Variants in TMEM132C observed in about 807,000 individuals in gnomAD.
The protein encoded by TMEM132C is protein phosphatase 1, regulatory subunit 152.
Under a neutral mutation model 61.4 loss-of-function variants are expected in TMEM132C, and 29 were observed. The observed-to-expected ratio is 0.47, with a 90% CI of 0.35 to 0.64. The LOEUF is 0.64. Ranked by LOEUF, TMEM132C falls within the 30% of genes least tolerant of loss-of-function variation. TMEM132C has a pLI of 0.00. For synonymous variants in TMEM132C, 656 were observed against 633.1 expected (o/e 1.04, Z -0.54); for missense variants, 1,408 against 1,476.9 (o/e 0.95, Z 0.76).
At chr12:128,449,623 C>T (rs1870114935) in intron 2 of TMEM132C, among the ~76,000 whole-genome samples, 1 of 152,170 alleles carries the variant, frequency 6.6e-6, no homozygotes, top group East Asian at 1.9e-4. Context: ...TTCCAATGTG[C>T]AAGGCGTGAA....
At chr12:128,650,123 G>A (rs1369832877) in intron 4 of TMEM132C, among the ~76,000 whole-genome samples, 1 of 152,200 alleles carries the variant, frequency 6.6e-6, no homozygotes, top group African/African-American at 2.4e-5. Context: ...ACTATTGTGA[G>A]TCTATGTTCC....
intron 2 of TMEM132C, among the ~76,000 whole-genome samples, chr12:128,496,401 TCTC>T (rs1871960647): frequency 6.6e-6 from 1 of 152,178 alleles, no homozygotes; most frequent in African/African-American, 2.4e-5. Context: ...TTGGGGAAGT[TCTC>T]CTGGATAATA....
intron 3 of TMEM132C, among the ~76,000 whole-genome samples, chr12:128,548,519 G>A (rs78471394): frequency 3.3e-5 from 5 of 152,236 alleles, no homozygotes; most frequent in East Asian, 1.9e-4. Context: ...TAAGGACCCC[G>A]TGATCATGTA....
intron 1 of TMEM132C, among the ~76,000 whole-genome samples, chr12:128,279,036 A>G (rs562133871): frequency 4.6e-5 from 7 of 152,224 alleles, no homozygotes; most frequent in African/African-American, 1.7e-4. Context: ...GCATGAGCCA[A>G]TACCTTAAAA....
intron 1 of TMEM132C, among the ~76,000 whole-genome samples, chr12:128,338,030 C>T (rs983633704): frequency 1.3e-5 from 2 of 151,980 alleles, no homozygotes; most frequent in Non-Finnish European, 2.9e-5. Flanking sequence ...CCCAACTTCA[C>T]ACTCCTTGTC....
chr12:128,486,124 C>T (rs868354292), intron 2 of TMEM132C, among the ~76,000 whole-genome samples: 4 of 152,236 alleles, frequency 2.6e-5, no homozygotes, highest in East Asian at 1.9e-4. Flanking sequence ...GTCTACTCGG[C>T]GACACCTTCT....
chr12:128,662,687 G>A (rs961827020), intron 4 of TMEM132C, among the ~76,000 whole-genome samples: 4 of 152,198 alleles, frequency 2.6e-5, no homozygotes, highest in Admixed American at 1.3e-4. Flanking sequence ...TTGGGGTAGC[G>A]GTGAGAATAG....
intron 2 of TMEM132C, among the ~76,000 whole-genome samples, chr12:128,506,430 A>G (rs1872363371): frequency 1.3e-5 from 2 of 152,214 alleles, no homozygotes; most frequent in Non-Finnish European, 2.9e-5. Context: ...GTGGAGGAGT[A>G]GATTTGCCAT....
Position 128,695,964 on chromosome 12 carries a change from A to G in TMEM132C, c.1790A>G (p.Asn597Ser), listed in dbSNP as rs1209278912. The change falls in exon 7 of 9, where the codon AAC becomes AGC. Residue 597 changes from asparagine (N) to serine (S), a missense_variant. Transcript: ENST00000435159. The stretch of plus-strand genomic sequence containing the variant: ...GGCGCCGGTCCATGGGGCCAGCCGA[A>G]CTACCTGCTTAGTCCTAACTGGCAG... ...SEGAGPWGQP[N>S]YLLSPNWQFD... 3 of 1,551,786 alleles carry G rather than the reference A, an allele frequency of 1.9e-6. No individual in the cohort carries two copies. Among genetic ancestry groups the G allele is most frequent in the South Asian group, 1.2e-5 (1 of 84,064 alleles).
intron 3 of TMEM132C, among the ~76,000 whole-genome samples, chr12:128,567,817 C>G (rs1422449380): frequency 1.3e-5 from 2 of 152,218 alleles, no homozygotes; most frequent in Non-Finnish European, 2.9e-5. Context: ...GACGACCAGT[C>G]TGATGTGAAG....
intron 1 of TMEM132C, among the ~76,000 whole-genome samples, chr12:128,284,955 G>C (rs1244241262): frequency 3.9e-5 from 6 of 152,094 alleles, no homozygotes; most frequent in Non-Finnish European, 5.9e-5. Flanking sequence ...AGGCAATGTG[G>C]TGAGAACCCA....
intron 1 of TMEM132C, among the ~76,000 whole-genome samples, chr12:128,310,996 A>G (rs1307088049): frequency 6.6e-6 from 1 of 152,270 alleles, no homozygotes; most frequent in Non-Finnish European, 1.5e-5. Flanking sequence ...GTACCCTTCA[A>G]CTATGTATAT....
intron 4 of TMEM132C, among the ~76,000 whole-genome samples, chr12:128,642,601 C>T (rs1025493763): frequency 1.3e-5 from 2 of 152,198 alleles, no homozygotes; most frequent in African/African-American, 4.8e-5. Context: ...TGCTCCCTCT[C>T]TCGCCATGTG....
chr12:128,641,594 G>T (rs1954158204), intron 4 of TMEM132C, among the ~76,000 whole-genome samples: 1 of 152,114 alleles, frequency 6.6e-6, no homozygotes, highest in Non-Finnish European at 1.5e-5. Context: ...GCAACCACCA[G>T]CAGCTGGAAG....
chr12:128,440,235 A>G (rs1419368400), intron 2 of TMEM132C, among the ~76,000 whole-genome samples: 2 of 152,186 alleles, frequency 1.3e-5, no homozygotes, highest in East Asian at 1.9e-4. Flanking sequence ...CAGTCTAGCA[A>G]TTGTGTTTTA....
chr12:128,566,630 G>A (rs1408032211), intron 3 of TMEM132C, among the ~76,000 whole-genome samples: 3 of 152,156 alleles, frequency 2.0e-5, no homozygotes, highest in Non-Finnish European at 4.4e-5. Context: ...GCAGAGTGAC[G>A]CCATCCTTAC....
At chr12:128,651,888 A>G (rs925018212) in intron 4 of TMEM132C, among the ~76,000 whole-genome samples, 9 of 71,982 alleles carry the variant, frequency 1.3e-4, no homozygotes, top group Non-Finnish European at 2.7e-4. Flanking sequence ...AAGGGGTCCA[A>G]TTCCACAGAA....
intron 1 of TMEM132C, among the ~76,000 whole-genome samples, chr12:128,289,716 G>C (rs1292375064): frequency 6.6e-6 from 1 of 152,094 alleles, no homozygotes; most frequent in Non-Finnish European, 1.5e-5. Context: ...GGCCTATATT[G>C]GTATCATCTG....
In TMEM132C at chr12:128,286,276, C is replaced by T. The variant is rs555327484; in HGVS notation, c.85+18789C>T. 1.8e-4 allele frequency among the ~76,000 whole-genome samples: 27 copies of T among 152,316 alleles called. No homozygotes were observed. In the South Asian group the frequency reaches 3.3e-3, roughly 19 times the overall value. ...GCTTATACGTGAACATTTCAGGAAA[C>T]GACTCTGCCTTGCTTGGTGGAATGT... On this transcript the variant is annotated intron_variant, in intron 1 of 8. Transcript: ENST00000435159.
Sources: allele counts gnomAD v4.1 joint callset (sites outside exome capture counted in the v4.1 genomes callset), GRCh38; gene constraint gnomAD v4.1.1; transcripts MANE v1.5; gene names NCBI Gene and HGNC (gene_info 2026-07-23, HGNC 2026-07-21).